The following CABIN1 variants were observed in gnomAD, a reference collection of about 807,000 sequenced individuals.
The protein encoded by CABIN1 is calcineurin binding protein 1, also known as calcineurin-binding protein cabin-1.
Under a neutral mutation model 227.7 loss-of-function variants are expected in CABIN1, and 133 were observed. The observed-to-expected ratio is 0.58, with a 90% CI of 0.51 to 0.67. The LOEUF (loss-of-function observed/expected upper bound fraction) is 0.67. Ranked by LOEUF, CABIN1 falls within the 30% of genes least tolerant of loss-of-function variation. CABIN1 has a pLI of 0.00. For missense variants in CABIN1, 2,408 were observed against 2,852.5 expected (o/e 0.84, Z 3.55); for synonymous variants, 1,086 against 1,155.1 (o/e 0.94, Z 1.21).
At chr22:24,034,891 A>G (rs1407665307) in intron 1 of CABIN1, among the ~76,000 whole-genome samples, 1 of 152,178 alleles carries the variant, frequency 6.6e-6, no homozygotes, top group Non-Finnish European at 1.5e-5. Flanking sequence ...CCTACAGGTA[A>G]AGTTCATGGC....
intron 28 of CABIN1, among the ~76,000 whole-genome samples, chr22:24,122,452 A>G (rs1321351386): frequency 6.6e-6 from 1 of 152,216 alleles, no homozygotes; most frequent in East Asian, 1.9e-4. Flanking sequence ...TCACGCCTGT[A>G]ATCCTAGCAC....
intron 15 of CABIN1, among the ~76,000 whole-genome samples, chr22:24,065,993 G>A (rs6004050): frequency 0.079 from 12,030 of 152,254 alleles, 530 homozygotes; most frequent in South Asian, 0.11. Flanking sequence ...GGGAGACCGT[G>A]GAAAGAGAGG....
chr22:24,046,275 CATTTGGGTTATTTCCAG>C (rs1232666831), intron 6 of CABIN1, among the ~76,000 whole-genome samples: 1 of 152,138 alleles, frequency 6.6e-6, no homozygotes, highest in African/African-American at 2.4e-5. Context: ...TGTACATGGG[CATTTGGGTTATTTCCAG>C]ATTTGTGTTC....
At chr22:24,038,608 A>C (rs562591099) in intron 4 of CABIN1, 147 bp downstream of exon 4, 4 of 674,728 alleles carry the variant, frequency 5.9e-6, no homozygotes, top group Non-Finnish European at 8.1e-6. Flanking sequence ...CTATTTCCCC[A>C]CCTCTAGGTA....
At chr22:24,017,909 T>C (rs1280224169) in intron 1 of CABIN1, among the ~76,000 whole-genome samples, 1 of 152,148 alleles carries the variant, frequency 6.6e-6, no homozygotes, top group African/African-American at 2.4e-5. Context: ...GGTGCTCTTG[T>C]CACCCAGGCT....
intron 33 of CABIN1, among the ~76,000 whole-genome samples, chr22:24,170,379 A>C (rs1307914951): frequency 6.6e-6 from 1 of 152,140 alleles, no homozygotes; most frequent in Non-Finnish European, 1.5e-5. Flanking sequence ...ACCCGCCTGG[A>C]GGGTGCTCTG....
At chr22:24,174,338 A>C (rs1412610460) in intron 34 of CABIN1, among the ~76,000 whole-genome samples, 1 of 152,006 alleles carries the variant, frequency 6.6e-6, no homozygotes, top group African/African-American at 2.4e-5. Context: ...CATGTTGCCC[A>C]AGCTGGTCTT....
chr22:24,063,979 G>A (rs1288446780), intron 14 of CABIN1, 56 bp from the exon 15 acceptor site: 1 of 1,608,550 alleles, frequency 6.2e-7, no homozygotes, highest in African/African-American at 1.3e-5. Flanking sequence ...AAAGCATCTG[G>A]CACATCATAG....
intron 26 of CABIN1, among the ~76,000 whole-genome samples, chr22:24,106,874 C>T (rs2042548495): frequency 6.6e-6 from 1 of 152,228 alleles, no homozygotes; most frequent in African/African-American, 2.4e-5. Flanking sequence ...TTCTTTCAGT[C>T]TGACTGGCTT....
At chr22:24,176,520 T>C (rs2047119431) in intron 35 of CABIN1, among the ~76,000 whole-genome samples, 1 of 152,118 alleles carries the variant, frequency 6.6e-6, no homozygotes. Flanking sequence ...CAGAGGCTTA[T>C]TCCACCCCTG....
intron 6 of CABIN1, among the ~76,000 whole-genome samples, chr22:24,043,437 A>C (rs780998068): frequency 6.6e-6 from 1 of 150,486 alleles, no homozygotes; most frequent in African/African-American, 2.5e-5. Context: ...AAAAAAAAAT[A>C]CCATAGATTG....
intron 10 of CABIN1, among the ~76,000 whole-genome samples, chr22:24,057,383 T>A (rs1326522391): frequency 6.6e-6 from 1 of 152,222 alleles, no homozygotes; most frequent in Non-Finnish European, 1.5e-5. Context: ...GAGAGGCCTC[T>A]CTCGGCAGAC....
chr22:24,083,302 A>T lies in CABIN1; in HGVS notation c.2823A>T (p.Thr941=). 1 of 1,613,698 alleles carries T rather than the reference A, an allele frequency of 6.2e-7. No individual in the cohort carries two copies. Among genetic ancestry groups the T allele is most frequent in the Non-Finnish European group, 8.5e-7 (1 of 1,180,020 alleles). ...ACCCTTACAAGGAGGAGCTGGAGAC[A>T]GCCTTGGAGCAGTGCTTCTACTGCC... is the stretch of plus-strand genomic sequence containing the variant. The part of the protein sequence containing the change: ...DTHPYKEELE[T]ALEQCFYCLY... The change falls in exon 20 of 37, where the codon ACA becomes ACT. Residue 941 remains threonine, a synonymous_variant. Coordinates refer to ENST00000263119, the MANE Select transcript of CABIN1 (RefSeq NM_012295.4).
intron 27 of CABIN1, among the ~76,000 whole-genome samples, chr22:24,116,098 G>A (rs745444921): frequency 6.6e-6 from 1 of 152,168 alleles, no homozygotes; most frequent in Non-Finnish European, 1.5e-5. Context: ...TCTCCACTCT[G>A]GCCTTGACCG....
chr22:24,102,127 C>T (rs143893408), intron 26 of CABIN1: 12 of 152,370 alleles, frequency 7.9e-5, no homozygotes, highest in African/African-American at 2.6e-4. Flanking sequence ...CACCCCTAGC[C>T]AGAGGTGAGA....
chr22:24,113,878 C>G, intron 27 of CABIN1, 130 bp downstream of exon 27: 1 of 972,508 alleles, frequency 1.0e-6, no homozygotes, highest in Non-Finnish European at 1.6e-6. Flanking sequence ...CCATTTTTCT[C>G]CCTGTAGGAT....
intron 12 of CABIN1, among the ~76,000 whole-genome samples, chr22:24,060,644 C>T (rs935082488): frequency 6.6e-6 from 1 of 152,032 alleles, no homozygotes; most frequent in Non-Finnish European, 1.5e-5. Flanking sequence ...CAGGGTCTTG[C>T]TCTGTTGCCT....
intron 1 of CABIN1, chr22:24,011,631 A>G (rs2034818927): frequency 6.6e-6 from 1 of 152,238 alleles, no homozygotes; most frequent in Admixed American, 6.5e-5. Flanking sequence ...CAGTAACCGC[A>G]GGAGCCACCA....
chr22:24,040,485 G>A (rs1424850270), intron 4 of CABIN1, among the ~76,000 whole-genome samples: 2 of 152,162 alleles, frequency 1.3e-5, no homozygotes, highest in East Asian at 1.9e-4. Flanking sequence ...TGGAGCAATA[G>A]TTTTCTAATC....
Sources: allele counts gnomAD v4.1 joint callset (sites outside exome capture counted in the v4.1 genomes callset), GRCh38; gene constraint gnomAD v4.1.1; transcripts MANE v1.5; gene names NCBI Gene and HGNC (gene_info 2026-07-23, HGNC 2026-07-21).